The following KCNQ1 variants were observed in gnomAD, a reference collection of about 807,000 sequenced individuals.
The protein encoded by KCNQ1 is potassium voltage-gated channel subfamily KQT member 1.
KCNQ1 carries 49 observed loss-of-function variants against 72.4 expected under a neutral mutation model. The observed-to-expected ratio is 0.68, with a 90% CI of 0.54 to 0.86. The LOEUF (loss-of-function observed/expected upper bound fraction) is 0.86. KCNQ1 is among the 40% of genes least tolerant of loss of function. KCNQ1 has a pLI of 0.00. For synonymous variants in KCNQ1, 450 were observed against 412.6 expected, an observed-to-expected ratio of 1.09 and a Z score of -1.10; for missense variants, 790 against 945.1, an observed-to-expected ratio of 0.84 and a Z score of 2.15.
Position 2,817,341 on chromosome 11 carries a change from C to T in KCNQ1, c.1795-30426C>T, listed in dbSNP as rs375680057. Among the ~76,000 whole-genome samples, 7 of 152,230 alleles carry T rather than the reference C, an allele frequency of 4.6e-5. No homozygotes were observed. The highest frequency in any genetic ancestry group is 7.2e-5 in the African/African-American group (3 of 41,546). Reference sequence around the variant, plus strand: ...TCCGTGGCTTCAGCCAGTTTCTGAGCGCTACCTTGAACCCCTGTTGCACCC... The same window carrying T: ...TCCGTGGCTTCAGCCAGTTTCTGAGTGCTACCTTGAACCCCTGTTGCACCC... On this transcript the variant is annotated intron_variant, in intron 15 of 15. Coordinates refer to ENST00000155840, the MANE Select transcript of KCNQ1 (RefSeq NM_000218.3). The surrounding 1 kb of genome is among the most constrained non-coding windows in gnomAD (Gnocchi z 6.1).
Position 2,685,253 on chromosome 11 carries a change from C to T in KCNQ1, c.1514+23172C>T, listed in dbSNP as rs1185967418. The T allele has an allele frequency of 7.5e-6, 3 of 398,566 alleles. No individual in the cohort carries two copies. The East Asian group carries it at 1.1e-4, about 14-fold the overall frequency. The allele number at this position is 398,566 out of a possible 1,614,324, so 24.7% of individuals were successfully genotyped here. A position where few individuals can be genotyped will look rare whatever the true frequency, so the allele number is the denominator to read the frequency against. On this transcript the variant is annotated intron_variant, in intron 11 of 15. Coordinates refer to ENST00000155840, the MANE Select transcript of KCNQ1 (RefSeq NM_000218.3). ...ACTTCAGTCCTCCCATTACCAAACT[C>T]CAGGGCACACGTGCCACTGTGTCTT...
In KCNQ1 at chr11:2,543,905, A is replaced by G. The variant is rs1330050045; in HGVS notation, c.477+15887A>G. Among the ~76,000 whole-genome samples the G allele has an allele frequency of 6.6e-6, 1 of 152,186 alleles. No individual in the cohort carries two copies. The highest frequency in any genetic ancestry group is 1.5e-5 in the Non-Finnish European group (1 of 68,040). On this transcript the variant is annotated intron_variant, in intron 2 of 15. Coordinates refer to ENST00000155840, the MANE Select transcript of KCNQ1 (RefSeq NM_000218.3). The surrounding 1 kb of genome is among the most constrained non-coding windows in gnomAD (Gnocchi z 5.6). ...TGACTCCTTTTAAGAGGTTCAGTTT[A>G]TCATAAAATTGTCTCTTTCTGGACA...
intron 11 of KCNQ1, among the ~76,000 whole-genome samples, chr11:2,707,023 C>T (rs560116498): frequency 1.5e-4 from 23 of 152,252 alleles, no homozygotes; most frequent in African/African-American, 4.6e-4. Context: ...AATCCATTTC[C>T]TTGGGACATG....
chr11:2,662,205 C>A, intron 11 of KCNQ1, 124 bp downstream of exon 11: 3 of 1,356,402 alleles, frequency 2.2e-6, no homozygotes, highest in South Asian at 2.6e-5. Flanking sequence ...GTGCCCACCA[C>A]TTGCCGTCTG....
chr11:2,474,876 G>A (rs1386901903), intron 1 of KCNQ1, among the ~76,000 whole-genome samples: 1 of 152,122 alleles, frequency 6.6e-6, no homozygotes, highest in Non-Finnish European at 1.5e-5. Context: ...GCCCCACATC[G>A]GGCCCTTTTA....
intron 2 of KCNQ1, among the ~76,000 whole-genome samples, chr11:2,558,432 G>A (rs1490003152): frequency 6.6e-6 from 1 of 152,194 alleles, no homozygotes; most frequent in East Asian, 1.9e-4. Context: ...AGGCGGGGGG[G>A]TCCACATAGT....
In KCNQ1 at chr11:2,450,153, G is replaced by T. The variant is rs1040876685; in HGVS notation, c.386+4669G>T. On this transcript the variant is annotated intron_variant, in intron 1 of 15. Coordinates refer to ENST00000155840, the MANE Select transcript of KCNQ1 (RefSeq NM_000218.3). This position sits in a 1 kb window ranked among gnomAD's most constrained non-coding sequence, Gnocchi z 7.9. ...TTCCAAACTGGCTTTTGGCCCCTGC[G>T]ATATCTTGCTGTGATTCAAGACTCT... Among the ~76,000 whole-genome samples the T allele has an allele frequency of 6.6e-6, 1 of 152,156 alleles. No homozygotes were observed. The highest frequency in any genetic ancestry group is 1.5e-5 in the Non-Finnish European group (1 of 68,024).
chr11:2,752,775 A>G lies in KCNQ1; in HGVS notation c.1515-16069A>G, dbSNP rs1290798970. Among the ~76,000 whole-genome samples, 1 of 152,188 alleles carries G rather than the reference A, an allele frequency of 6.6e-6. No individual in the cohort carries two copies. Among genetic ancestry groups the G allele is most frequent in the Non-Finnish European group, 1.5e-5 (1 of 68,028 alleles). ...TTCGACATAGGGACTTTGGGAAGACACACACATTCAGACTACAGCACCTTG... is the reference window on the plus strand; with the variant it reads ...TTCGACATAGGGACTTTGGGAAGACGCACACATTCAGACTACAGCACCTTG... On this transcript the variant is annotated intron_variant, in intron 11 of 15. Transcript: ENST00000155840. This position sits in a 1 kb window ranked among gnomAD's most constrained non-coding sequence, Gnocchi z 5.2.
intron 1 of KCNQ1, among the ~76,000 whole-genome samples, chr11:2,452,429 C>A (rs1846130265): frequency 6.6e-6 from 1 of 152,198 alleles, no homozygotes; most frequent in African/African-American, 2.4e-5. Context: ...CCACGCAGAG[C>A]AGCCCGGGCA....
intron 2 of KCNQ1, among the ~76,000 whole-genome samples, chr11:2,528,993 C>T (rs752755643): frequency 6.6e-6 from 1 of 152,200 alleles, no homozygotes; most frequent in African/African-American, 2.4e-5. Context: ...TTCCTCCAGC[C>T]CTGACCAGGT....
intron 11 of KCNQ1, among the ~76,000 whole-genome samples, chr11:2,706,084 C>T (rs939992748): frequency 2.6e-5 from 4 of 152,196 alleles, no homozygotes; most frequent in East Asian, 1.9e-4. Context: ...CCTGGGGTAC[C>T]GTGTGGCTGT....
rs929170769 is a variant in KCNQ1, at chr11:2,769,605, C to T, written c.1590+686C>T. Among the ~76,000 whole-genome samples the T allele has an allele frequency of 5.9e-5, 9 of 152,186 alleles. No homozygotes were observed. The highest frequency in any genetic ancestry group is 1.7e-4 in the African/African-American group (7 of 41,440). ...CCCCTCCTGCCTTGGGGACATTCCT[C>T]GGATGAAGGCGGTGGTGGGGGGTAC... On this transcript the variant is annotated intron_variant, in intron 12 of 15. Transcript: ENST00000155840. The surrounding 1 kb of genome is among the most constrained non-coding windows in gnomAD (Gnocchi z 4.6).
intron 1 of KCNQ1, among the ~76,000 whole-genome samples, chr11:2,485,215 C>T (rs552546605): frequency 2.0e-4 from 31 of 152,216 alleles, no homozygotes; most frequent in African/African-American, 7.5e-4. Context: ...GGGTGTCCCC[C>T]GATTCTGATT....
At chr11:2,791,800 G>A (rs1224579678) in intron 15 of KCNQ1, among the ~76,000 whole-genome samples, 1 of 152,168 alleles carries the variant, frequency 6.6e-6, no homozygotes, top group Admixed American at 6.5e-5. Flanking sequence ...GCGCCGCTCC[G>A]GGCGGTGGGA....
At chr11:2,843,530 G>A (rs1848255003) in intron 15 of KCNQ1, among the ~76,000 whole-genome samples, 1 of 152,246 alleles carries the variant, frequency 6.6e-6, no homozygotes. Context: ...TGCAGCCCAG[G>A]CAGAGAACAG....
At chr11:2,555,992 G>T (rs952999352) in intron 2 of KCNQ1, among the ~76,000 whole-genome samples, 3 of 152,214 alleles carry the variant, frequency 2.0e-5, no homozygotes, top group Non-Finnish European at 4.4e-5. Context: ...ATGACCTGGA[G>T]CCCCTGGGTG....
chr11:2,755,137 C>T (rs1846279371), intron 11 of KCNQ1, among the ~76,000 whole-genome samples: 2 of 152,226 alleles, frequency 1.3e-5, no homozygotes, highest in South Asian at 4.2e-4. Context: ...GGCCTTTAGC[C>T]CCTTCCTCTA....
chr11:2,819,394 C>A (rs942558012), intron 15 of KCNQ1, among the ~76,000 whole-genome samples: 1 of 152,190 alleles, frequency 6.6e-6, no homozygotes, highest in South Asian at 2.1e-4. Context: ...ACATCCAACA[C>A]GTGTCAGCCC....
At position 2,626,248 on chromosome 11, in the gene KCNQ1, A is replaced by G. The variant is rs1849260494; in HGVS notation, c.1394-35713A>G. The G allele has an allele frequency of 2.5e-6, 1 of 398,352 alleles. No homozygotes were observed. 24.7% of individuals were successfully genotyped at this position (398,352 alleles called of 1,614,324 possible). ...TACACAGTGTTAGGTAAGGGTCTCAACTTCATTCTCTTTTATACATGGTTA... is the reference window on the plus strand; with the variant it reads ...TACACAGTGTTAGGTAAGGGTCTCAGCTTCATTCTCTTTTATACATGGTTA... On this transcript the variant is annotated intron_variant, in intron 10 of 15. Transcript: ENST00000155840. The surrounding 1 kb of genome is among the most constrained non-coding windows in gnomAD (Gnocchi z 4.0).
Sources: gnomAD v4.1 joint callset for allele counts (sites outside exome capture counted in the v4.1 genomes callset) on GRCh38, gnomAD v4.1.1 for gene constraint, Gnocchi (gnomAD v3.1) non-coding constraint, MANE v1.5 for transcripts, NCBI Gene and HGNC (gene_info 2026-07-23, HGNC 2026-07-21) for gene names.